The following PLPPR1 variants were observed in gnomAD, a reference collection of about 807,000 sequenced individuals.
PLPPR1 encodes phospholipid phosphatase related 1, also known as phospholipid phosphatase-related protein type 1.
In PLPPR1, 10 loss-of-function variants were observed where a neutral mutation model predicts 33.1. That is an observed-to-expected ratio of 0.30 (90% CI 0.19 to 0.51). The LOEUF (loss-of-function observed/expected upper bound fraction) is 0.51. Ranked by LOEUF, PLPPR1 falls within the 20% of genes least tolerant of loss-of-function variation. The probability of loss-of-function intolerance (pLI) is 0.97; values close to 1 mark genes in which losing one functional copy is unlikely to be tolerated. For missense variants in PLPPR1, 304 were observed against 408.1 expected (o/e 0.74, Z 2.20); for synonymous variants, 151 against 151.0 (o/e 1.00, Z 0.00).
chr9:101,110,384 T>C (rs1380189869), intron 1 of PLPPR1, among the ~76,000 whole-genome samples: 1 of 152,232 alleles, frequency 6.6e-6, no homozygotes, highest in Non-Finnish European at 1.5e-5. Context: ...CACAACTATT[T>C]AGATGGCAAT....
intron 1 of PLPPR1, among the ~76,000 whole-genome samples, chr9:101,034,658 G>A (rs1829988253): frequency 6.6e-6 from 1 of 152,148 alleles, no homozygotes; most frequent in African/African-American, 2.4e-5. Context: ...GCAGAGGTTT[G>A]TGAGGATTAA....
chr9:101,109,134 A>ATT lies in PLPPR1; in HGVS notation c.-45-76293_-45-76292dup, dbSNP rs67666339. Among the ~76,000 whole-genome samples the ATT allele has an allele frequency of 4.8e-3, 477 of 99,732 alleles. 4 individuals are homozygous for ATT. The highest frequency in any genetic ancestry group is 5.8e-3 in the Non-Finnish European group (294 of 51,080). 65.4% of individuals were successfully genotyped at this position (99,732 alleles called of 152,430 possible). On this transcript the variant is annotated intron_variant, in intron 1 of 7. Coordinates refer to ENST00000374874, the MANE Select transcript of PLPPR1 (RefSeq NM_207299.2). ...CCACCACGCCTGGCTAATTTTTTGT[A>ATT]TTTTTTTTTTTTTTTTTTTTTTTTA...
chr9:101,036,058 T>A (rs984419267), intron 1 of PLPPR1, among the ~76,000 whole-genome samples: 1 of 152,214 alleles, frequency 6.6e-6, no homozygotes, highest in East Asian at 1.9e-4. Flanking sequence ...GTGTTCATCA[T>A]GGAATGTTGC....
At chr9:101,224,657 T>TA (rs1827024561) in intron 2 of PLPPR1, among the ~76,000 whole-genome samples, 1 of 152,166 alleles carries the variant, frequency 6.6e-6, no homozygotes, top group Admixed American at 6.5e-5. Flanking sequence ...ACAATGTTGA[T>TA]AAGGAAAAAA....
At chr9:101,089,167 C>A (rs1382827967) in intron 1 of PLPPR1, among the ~76,000 whole-genome samples, 2 of 152,090 alleles carry the variant, frequency 1.3e-5, no homozygotes. Context: ...TCAGTTTTAT[C>A]ATTCAATCCT....
At chr9:101,321,392 T>A (rs937478118) in intron 7 of PLPPR1, among the ~76,000 whole-genome samples, 22 of 152,134 alleles carry the variant, frequency 1.4e-4, no homozygotes, top group Non-Finnish European at 2.8e-4. Context: ...CCCCTTAGTA[T>A]AGTTGATTGA....
At chr9:101,107,735 C>T (rs1427742728) in intron 1 of PLPPR1, among the ~76,000 whole-genome samples, 1 of 112,026 alleles carries the variant, frequency 8.9e-6, no homozygotes, top group East Asian at 2.7e-4. Flanking sequence ...ATGGCGGGCG[C>T]CCCTCCCCCA....
chr9:101,043,334 TAC>T lies in PLPPR1; in HGVS notation c.-46+14238_-46+14239del, dbSNP rs545126236. Among the ~76,000 whole-genome samples the T allele has an allele frequency of 7.2e-5, 11 of 151,826 alleles. No homozygotes were observed. The South Asian group carries it at 2.3e-3, about 32-fold the overall frequency. ...ATGTGTATATACACACGTGTATATA[TAC>T]ACACATATACATGTGTATGTGTATG... On this transcript the variant is annotated intron_variant, in intron 1 of 7. Transcript: ENST00000374874.
intron 2 of PLPPR1, among the ~76,000 whole-genome samples, chr9:101,217,169 G>C (rs893358105): frequency 1.3e-5 from 2 of 151,958 alleles, no homozygotes; most frequent in African/African-American, 4.8e-5. Flanking sequence ...AGATTCAACT[G>C]TCTGATCTTT....
intron 2 of PLPPR1, among the ~76,000 whole-genome samples, chr9:101,254,819 T>G (rs1827771091): frequency 1.3e-5 from 2 of 152,174 alleles, no homozygotes; most frequent in Admixed American, 6.5e-5. Context: ...TCCCTCCAAC[T>G]TTTTAACCAA....
At chr9:101,224,736 T>G (rs1827026445) in intron 2 of PLPPR1, among the ~76,000 whole-genome samples, 1 of 152,154 alleles carries the variant, frequency 6.6e-6, no homozygotes, top group African/African-American at 2.4e-5. Flanking sequence ...GTGGGTTTTC[T>G]CTGGGTACTC....
At chr9:101,240,797 C>T (rs10989451) in intron 2 of PLPPR1, among the ~76,000 whole-genome samples, 7,938 of 152,158 alleles carry the variant, frequency 0.052, 286 homozygotes, top group South Asian at 0.17. Context: ...CCAACTGGAT[C>T]TTTGTTAAAT....
chr9:101,062,528 C>T (rs10989366), intron 1 of PLPPR1, among the ~76,000 whole-genome samples: 45 of 152,098 alleles, frequency 3.0e-4, no homozygotes, highest in African/African-American at 1.0e-3. Flanking sequence ...AGGTTATAGG[C>T]ATAATCCTCA....
At chr9:101,066,085 C>G (rs1389829107) in intron 1 of PLPPR1, among the ~76,000 whole-genome samples, 3 of 152,046 alleles carry the variant, frequency 2.0e-5, no homozygotes, top group Admixed American at 6.6e-5. Context: ...TTTCCCTAGA[C>G]TCCTGTAGAC....
At chr9:101,293,892 A>C (rs1828567817) in intron 4 of PLPPR1, among the ~76,000 whole-genome samples, 1 of 151,594 alleles carries the variant, frequency 6.6e-6, no homozygotes, top group Admixed American at 6.6e-5. Flanking sequence ...CAATTAAAAG[A>C]ACTAGAAAAG....
At chr9:101,176,493 C>T (rs1462321304) in intron 1 of PLPPR1, among the ~76,000 whole-genome samples, 7 of 152,172 alleles carry the variant, frequency 4.6e-5, no homozygotes, top group East Asian at 1.9e-4. Context: ...AGAAATTTTA[C>T]GACAAATAAC....
In PLPPR1 at chr9:101,138,860, A is replaced by G. The variant is rs189493773; in HGVS notation, c.-45-46590A>G. Among the ~76,000 whole-genome samples, 47 of 152,266 alleles carry G rather than the reference A, an allele frequency of 3.1e-4. 2 individuals carry two copies. The East Asian group carries it at 8.9e-3, about 29-fold the overall frequency. On this transcript the variant is annotated intron_variant, in intron 1 of 7. Transcript: ENST00000374874. ...TTTGAACCTGTGTATTTCCATTTCAAATTTCATGTTTTTTCCCCAGGGTTT... is the reference window on the plus strand; with the variant it reads ...TTTGAACCTGTGTATTTCCATTTCAGATTTCATGTTTTTTCCCCAGGGTTT...
chr9:101,065,280 C>T (rs192289702), intron 1 of PLPPR1, among the ~76,000 whole-genome samples: 15 of 152,148 alleles, frequency 9.9e-5, no homozygotes, highest in African/African-American at 3.1e-4. Flanking sequence ...GTATTCAGAA[C>T]TTCTTATTTG....
intron 4 of PLPPR1, among the ~76,000 whole-genome samples, chr9:101,287,959 A>G (rs970052366): frequency 2.0e-5 from 3 of 152,228 alleles, no homozygotes; most frequent in Non-Finnish European, 2.9e-5. Flanking sequence ...TCCTGTATAT[A>G]TAATTAAAGC....
Sources: gnomAD v4.1 joint callset for allele counts (sites outside exome capture counted in the v4.1 genomes callset) on GRCh38, gnomAD v4.1.1 for gene constraint, MANE v1.5 for transcripts, NCBI Gene and HGNC (gene_info 2026-07-23, HGNC 2026-07-21) for gene names.